BTAF1: variants seen among roughly 807,000 people sequenced by gnomAD.
The protein encoded by BTAF1 is TATA-binding protein-associated factor 172.
BTAF1 carries 38 observed loss-of-function variants against 227.1 expected under a neutral mutation model. That is an observed-to-expected ratio of 0.17 (90% CI 0.13 to 0.22). The LOEUF is 0.22. Ranked by LOEUF, BTAF1 falls within the 10% of genes least tolerant of loss-of-function variation. The pLI is 1.00. For missense variants in BTAF1, 1,598 were observed against 2,204.0 expected (o/e 0.73, Z 5.51); for synonymous variants, 742 against 751.9 (o/e 0.99, Z 0.21).
At position 92,018,895 on chromosome 10, in the gene BTAF1, A is replaced by G. The variant is rs149366400; in HGVS notation, c.4823A>G (p.His1608Arg). Reference sequence around the variant, plus strand: ...CTGGCAGTTCAGAATTCTTCTCTACATGATATTCAACATGCCCCTAAGCTC... The same window carrying G: ...CTGGCAGTTCAGAATTCTTCTCTACGTGATATTCAACATGCCCCTAAGCTC... Reference protein sequence around the residue: ...EKLAVQNSSLHDIQHAPKLSA... With the variant: ...EKLAVQNSSLRDIQHAPKLSA... Residue 1608 changes from histidine (H) to arginine (R), a missense_variant, in exon 34 of 38, where the codon CAT (histidine) becomes CGT (arginine). Physicochemically the swap from His to Arg is conservative, Grantham distance 29. Around this residue, in one of 10 missense-constraint regions of BTAF1, gnomAD observed 205 missense variants for 244.5 expected, o/e 0.84. Transcript: ENST00000265990. 287 of 1,607,752 alleles carry G rather than the reference A, an allele frequency of 1.8e-4. No homozygotes were observed. The highest frequency in any genetic ancestry group is 8.4e-4 in the African/African-American group (63 of 74,756).
At chr10:92,010,975 G>T in intron 28 of BTAF1, 98 bp from the exon 29 acceptor site, 2 of 848,978 alleles carry the variant, frequency 2.4e-6, no homozygotes, top group Non-Finnish European at 3.9e-6. Context: ...AGGGAATGCT[G>T]GGCTTAGTGG....
chr10:92,017,612 G>GC (rs1311182727), intron 33 of BTAF1, among the ~76,000 whole-genome samples: 2 of 152,026 alleles, frequency 1.3e-5, no homozygotes, highest in African/African-American at 2.4e-5. Flanking sequence ...CAGGGCTCAA[G>GC]CGATCCTCAG....
intron 14 of BTAF1, among the ~76,000 whole-genome samples, chr10:91,978,814 GTTTTTTTT>G (rs145477284): frequency 1.1e-5 from 1 of 89,866 alleles, no homozygotes; most frequent in Non-Finnish European, 2.0e-5. Flanking sequence ...TTTATGGCTT[GTTTTTTTT>G]TTTTTTTTTT....
At chr10:92,006,892 C>G (rs1471373499) in intron 25 of BTAF1, among the ~76,000 whole-genome samples, 9 of 152,110 alleles carry the variant, frequency 5.9e-5, no homozygotes, top group Non-Finnish European at 1.0e-4. Flanking sequence ...TCTGGTGTTT[C>G]CAAGTTTAAT....
intron 19 of BTAF1, among the ~76,000 whole-genome samples, chr10:91,985,678 G>C (rs1002961950): frequency 2.0e-5 from 3 of 152,094 alleles, no homozygotes; most frequent in Non-Finnish European, 2.9e-5. Flanking sequence ...TTGTCTGATA[G>C]TGTTATTGTG....
Position 91,981,645 on chromosome 10 carries a change from T to C in BTAF1, c.1758T>C (p.Val586=). The part of the protein sequence containing the change: ...SQEILDLIHK[V]WMELLSKASV... ...CATGTCCCCCTTTTACCCTGCAGGT[T>C]TGGATGGAACTGTTGAGTAAGGCTT... Residue 586 remains valine, a splice_region_variant and synonymous_variant, in exon 16 of 38, where the codon GTT becomes GTC. Coordinates refer to ENST00000265990, the MANE Select transcript of BTAF1 (RefSeq NM_003972.3). 2 of 1,596,140 alleles carry C rather than the reference T, an allele frequency of 1.3e-6. No homozygotes were observed. The highest frequency in any genetic ancestry group is 1.7e-6 in the Non-Finnish European group (2 of 1,173,866).
At chr10:91,951,293 T>G (rs1252326096) in intron 4 of BTAF1, 110 bp from the exon 5 acceptor site, 9 of 1,152,902 alleles carry the variant, frequency 7.8e-6, no homozygotes, top group Non-Finnish European at 1.1e-5. Flanking sequence ...TTGGTTTTAT[T>G]GGCAGAAGGG....
chr10:91,991,797 G>GTGTATATATATA (rs1554860529), intron 20 of BTAF1, among the ~76,000 whole-genome samples: 9 of 9,994 alleles, frequency 9.0e-4, no homozygotes, highest in Admixed American at 3.2e-3. Flanking sequence ...GTGTGTGTGT[G>GTGTATATATATA]TATATATATA....
intron 14 of BTAF1, among the ~76,000 whole-genome samples, chr10:91,968,986 G>A (rs1847110940): frequency 6.7e-6 from 1 of 150,236 alleles, no homozygotes; most frequent in Non-Finnish European, 1.5e-5. Context: ...TCAGCCTCCT[G>A]AGTAGCTGAG....
chr10:91,972,266 T>C (rs966304539), intron 14 of BTAF1, among the ~76,000 whole-genome samples: 3 of 152,208 alleles, frequency 2.0e-5, no homozygotes, highest in African/African-American at 7.2e-5. Context: ...TAATGTATAC[T>C]CTGGAGTCAA....
In BTAF1 at chr10:92,016,384, T is replaced by A; in HGVS notation, c.4629T>A (p.Asp1543Glu). ...EDFAKSRAKCDVDETVSSATL... is the reference protein window; with the variant it reads ...EDFAKSRAKCEVDETVSSATL... ...TTGCTAAGTCTCGTGCCAAGTGTGATGTTGATGAAACAGTTTCTTCAGCTA... is the reference window on the plus strand; with the variant it reads ...TTGCTAAGTCTCGTGCCAAGTGTGAAGTTGATGAAACAGTTTCTTCAGCTA... The change falls in exon 33 of 38, where the codon GAT (aspartate) becomes GAA (glutamate). Residue 1543 changes from aspartate (D) to glutamate (E), a missense_variant. Coordinates refer to ENST00000265990, the MANE Select transcript of BTAF1 (RefSeq NM_003972.3). The A allele has an allele frequency of 6.2e-7, 1 of 1,600,912 alleles. No homozygotes were observed. Among genetic ancestry groups the A allele is most frequent in the South Asian group, 1.1e-5 (1 of 87,356 alleles).
intron 14 of BTAF1, among the ~76,000 whole-genome samples, chr10:91,971,265 G>C (rs1847282247): frequency 6.6e-6 from 1 of 152,078 alleles, no homozygotes; most frequent in Non-Finnish European, 1.5e-5. Flanking sequence ...GATGCTGTCT[G>C]TGAAACTTAA....
intron 25 of BTAF1, among the ~76,000 whole-genome samples, chr10:92,006,599 T>G (rs1272191948): frequency 2.0e-5 from 3 of 152,236 alleles, no homozygotes; most frequent in Admixed American, 1.3e-4. Context: ...TATATAATAT[T>G]TTAAAAATCA....
At chr10:91,973,790 G>A (rs1847485342) in intron 14 of BTAF1, among the ~76,000 whole-genome samples, 1 of 149,980 alleles carries the variant, frequency 6.7e-6, no homozygotes, top group Non-Finnish European at 1.5e-5. Flanking sequence ...TGTAGTCCCA[G>A]CTACTTGGGA....
intron 25 of BTAF1, among the ~76,000 whole-genome samples, chr10:92,004,928 G>A (rs1186365648): frequency 6.6e-6 from 1 of 152,120 alleles, no homozygotes; most frequent in African/African-American, 2.4e-5. Context: ...TGAACTTGGT[G>A]TAAGATACAA....
chr10:91,998,901 A>T (rs1589923133), intron 25 of BTAF1, among the ~76,000 whole-genome samples: 3 of 152,158 alleles, frequency 2.0e-5, no homozygotes, highest in African/African-American at 7.2e-5. Flanking sequence ...CGTCTCTACT[A>T]AAAATACAAA....
chr10:91,929,833 C>T (rs1844152707), intron 1 of BTAF1, among the ~76,000 whole-genome samples: 1 of 152,120 alleles, frequency 6.6e-6, no homozygotes, highest in Admixed American at 6.5e-5. Flanking sequence ...GGATTACAAG[C>T]ATGAGCCACC....
At chr10:91,952,887 T>C (rs1845861477) in intron 5 of BTAF1, among the ~76,000 whole-genome samples, 1 of 152,072 alleles carries the variant, frequency 6.6e-6, no homozygotes, top group African/African-American at 2.4e-5. Flanking sequence ...TAATTGAACA[T>C]GGTGTAAGAA....
rs1261406296 is a variant in BTAF1 at position 91,992,256 on chromosome 10, A to T, written c.2992A>T (p.Ile998Leu). The T allele has an allele frequency of 1.2e-6, 2 of 1,613,766 alleles. No homozygotes were observed. Residue 998 changes from isoleucine (I) to leucine (L), a missense_variant, in exon 21 of 38, where the codon ATA (isoleucine) becomes TTA (leucine). This residue lies in a region of BTAF1 where 425 missense variants were observed against 491.2 expected (regional missense o/e 0.87). Coordinates refer to ENST00000265990, the MANE Select transcript of BTAF1 (RefSeq NM_003972.3). ...TACCCCCAAAGCAGTAAAAGCTCAA[A>T]TAGCAGATCTTCCTGCAGGAAGTAG... Reference protein sequence around the residue: ...GPTPKAVKAQIADLPAGSSGN... With the variant: ...GPTPKAVKAQLADLPAGSSGN...
Sources: allele counts gnomAD v4.1 joint callset (sites outside exome capture counted in the v4.1 genomes callset), GRCh38; gene constraint gnomAD v4.1.1; regional missense constraint gnomAD v4.1.1; transcripts MANE v1.5; gene names NCBI Gene and HGNC (gene_info 2026-07-23, HGNC 2026-07-21).